C6orf58: variants seen among roughly 807,000 people sequenced by gnomAD.
C6orf58 encodes chromosome 6 open reading frame 58, also known as protein LEG1 homolog.
C6orf58 carries 30 observed loss-of-function variants against 37.0 expected under a neutral mutation model. The ratio of observed to expected loss-of-function variants is 0.81; its 90% CI spans 0.61 to 1.10. C6orf58 has a LOEUF of 1.10. Ranked by LOEUF, C6orf58 falls within the 50% of genes least tolerant of loss-of-function variation. The pLI is 0.00. For missense variants in C6orf58, 368 were observed against 387.5 expected, an observed-to-expected ratio of 0.95 and a Z score of 0.42; for synonymous variants, 143 against 134.1, an observed-to-expected ratio of 1.07 and a Z score of -0.46.
At chr6:127,587,904 T>A (rs1281278449) in intron 4 of C6orf58, among the ~76,000 whole-genome samples, 2 of 152,150 alleles carry the variant, frequency 1.3e-5, no homozygotes, top group Non-Finnish European at 2.9e-5. Context: ...TAAAGGCAAA[T>A]TGACAGGGTT....
chr6:127,581,143 G>T lies in C6orf58; in HGVS notation c.574-39G>T, dbSNP rs549570072. The T allele has an allele frequency of 3.2e-6, 3 of 944,320 alleles. No individual in the cohort carries two copies. The East Asian group carries it at 8.3e-5, about 26-fold the overall frequency. 58.5% of individuals were successfully genotyped at this position (944,320 alleles called of 1,614,324 possible). On this transcript the variant is annotated intron_variant, in intron 3 of 5. Coordinates refer to ENST00000329722, the MANE Select transcript of C6orf58 (RefSeq NM_001010905.3). ...AAATTTCAGGGAGAAGGATTTTATAGTTGCTCAAATATTAATAAATTTGAC... is the reference window on the plus strand; with the variant it reads ...AAATTTCAGGGAGAAGGATTTTATATTTGCTCAAATATTAATAAATTTGAC...
intron 1 of C6orf58, among the ~76,000 whole-genome samples, chr6:127,578,305 G>A (rs902216714): frequency 1.2e-4 from 18 of 152,084 alleles, no homozygotes; most frequent in African/African-American, 3.9e-4. Flanking sequence ...AGGCATTAGA[G>A]GTTATTTAGA....
chr6:127,578,706 C>T lies in C6orf58; in HGVS notation c.322C>T (p.Arg108Ter), dbSNP rs146572999. 9.3e-6 allele frequency: 15 copies of T among 1,612,216 alleles called. No homozygotes were observed. Among genetic ancestry groups the T allele is most frequent in the East Asian group, 4.5e-5 (2 of 44,852 alleles). ...TCCAGGCAGATTAGCTGATCCAACC[C>T]GAAGGACAAACTGTGGCTATGAATC... ...YRTGRLADPTRRTNCGYESGD... is the reference protein window; with the variant it reads ...YRTGRLADPT The change falls in exon 2 of 6, where the codon CGA (arginine) becomes TGA (stop). Residue 108 changes from arginine to a stop codon, truncating the protein, a stop_gained. Transcript: ENST00000329722. LOFTEE classifies it high-confidence loss of function.
At chr6:127,587,470 A>G (rs1775118856) in intron 4 of C6orf58, among the ~76,000 whole-genome samples, 1 of 152,140 alleles carries the variant, frequency 6.6e-6, no homozygotes, top group South Asian at 2.1e-4. Context: ...CAAAAGGTAA[A>G]TCTTTTAATA....
intron 4 of C6orf58, among the ~76,000 whole-genome samples, chr6:127,588,000 C>T (rs1371481642): frequency 6.6e-6 from 1 of 152,190 alleles, no homozygotes; most frequent in Non-Finnish European, 1.5e-5. Context: ...TCAACAATCA[C>T]TAAACCTCAG....
At chr6:127,579,145 A>G (rs60059762) in intron 2 of C6orf58, among the ~76,000 whole-genome samples, 27,620 of 152,010 alleles carry the variant, frequency 0.18, 4,023 homozygotes, top group African/African-American at 0.4. Context: ...TTTTGCTCAG[A>G]CCAGATGTGG....
intron 4 of C6orf58, among the ~76,000 whole-genome samples, chr6:127,588,372 A>C (rs1775126923): frequency 6.6e-6 from 1 of 152,246 alleles, no homozygotes. Context: ...AGCAGAAGAC[A>C]GAATTGTAGG....
Position 127,585,143 on chromosome 6 carries a change from G to C in C6orf58, c.674+3861G>C, listed in dbSNP as rs1172082133. Among the ~76,000 whole-genome samples, 9 of 152,148 alleles carry C rather than the reference G, an allele frequency of 5.9e-5. No homozygotes were observed. In the South Asian group the frequency reaches 1.0e-3, roughly 18 times the overall value. ...ATCCATACAAATACAACTTAAAGAA[G>C]GTTTAACATTACTTATTATTTGACA... On this transcript the variant is annotated intron_variant, in intron 4 of 5. Coordinates refer to ENST00000329722, the MANE Select transcript of C6orf58 (RefSeq NM_001010905.3).
intron 4 of C6orf58, among the ~76,000 whole-genome samples, chr6:127,586,997 C>T (rs1775113907): frequency 6.6e-6 from 1 of 152,154 alleles, no homozygotes; most frequent in African/African-American, 2.4e-5. Flanking sequence ...TCCTTTTACC[C>T]AGAAGGTATT....
intron 2 of C6orf58, 22 bp from the exon 3 acceptor site, chr6:127,580,242 TA>T (rs1775034319): frequency 5.7e-6 from 9 of 1,569,724 alleles, no homozygotes; most frequent in Middle Eastern, 1.7e-4. Flanking sequence ...CTTGTAGTAA[TA>T]GTAAATCTTT....
At chr6:127,580,928 C>T (rs924346581) in intron 3 of C6orf58, among the ~76,000 whole-genome samples, 3 of 151,842 alleles carry the variant, frequency 2.0e-5, no homozygotes, top group African/African-American at 2.4e-5. Context: ...AAGGCCTGAT[C>T]GGTATAAAAT....
intron 1 of C6orf58, 105 bp downstream of exon 1, chr6:127,577,591 T>G: frequency 1.1e-6 from 1 of 935,852 alleles, no homozygotes; most frequent in Non-Finnish European, 1.7e-6. Flanking sequence ...AAAAATTGAT[T>G]CTTTATCTTG....
At position 127,578,773 on chromosome 6, in the gene C6orf58, G is replaced by A. The variant is rs373910619; in HGVS notation, c.388+1G>A. ...ATCTCTGTGGACAGTTGGTGGGCTG[G>A]TATGTTCGTTTAAGTGGCAAAATAG... On this transcript the variant is annotated splice_donor_variant, in intron 2 of 5. Coordinates refer to ENST00000329722, the MANE Select transcript of C6orf58 (RefSeq NM_001010905.3). LOFTEE classifies it high-confidence loss of function. 1 of 1,609,172 alleles carries A rather than the reference G, an allele frequency of 6.2e-7. No individual in the cohort carries two copies. The highest frequency in any genetic ancestry group is 1.1e-5 in the South Asian group (1 of 90,676).
intron 3 of C6orf58, 129 bp downstream of exon 3, chr6:127,580,578 T>G (rs1189629616): frequency 1.6e-6 from 1 of 641,472 alleles, no homozygotes; most frequent in East Asian, 2.7e-5. Context: ...GCATGATATA[T>G]TAATAGTATA....
chr6:127,586,741 A>C (rs576778631), intron 4 of C6orf58, among the ~76,000 whole-genome samples: 54 of 152,334 alleles, frequency 3.5e-4, no homozygotes, highest in African/African-American at 1.3e-3. Flanking sequence ...GTATTATTGA[A>C]GTCAAGAGAG....
rs760369107 is a variant in C6orf58, at chr6:127,577,461, G to A, written c.276G>A (p.Leu92=). Residue 92 remains leucine, a synonymous_variant, in exon 1 of 6, where the codon CTG becomes CTA. Transcript: ENST00000329722. ...NEQNILWGLP[L]QYGWQYRTGR... The stretch of plus-strand genomic sequence containing the variant: ...AGAATATTTTATGGGGGTTGCCTCT[G>A]CAGTATGGCTGGCAATATAGGACAG... 1 of 1,613,646 alleles carries A rather than the reference G, an allele frequency of 6.2e-7. No homozygotes were observed. The highest frequency in any genetic ancestry group is 8.5e-7 in the Non-Finnish European group (1 of 1,179,636).
rs746800646 is a variant in C6orf58, at chr6:127,591,568, T to C, written c.939T>C (p.Asn313=). The C allele has an allele frequency of 6.6e-6, 10 of 1,523,184 alleles. No individual in the cohort carries two copies. The African/African-American group carries it at 1.1e-4, about 17-fold the overall frequency. The allele number at this position is 1,523,184 out of a possible 1,614,324, so 94.4% of individuals were successfully genotyped here. The change falls in exon 6 of 6, where the codon AAT becomes AAC. Residue 313 remains asparagine (N), a synonymous_variant. Transcript: ENST00000329722. ...SIGYLCTEKS[N]VYRDHSESSS... ...GTTATCTTTGTACAGAAAAATCTAA[T>C]GTATATAGAGATCATTCGGAATCTA...
At chr6:127,590,910 AT>A (rs1224992238) in intron 5 of C6orf58, among the ~76,000 whole-genome samples, 1 of 152,156 alleles carries the variant, frequency 6.6e-6, no homozygotes, top group Non-Finnish European at 1.5e-5. Context: ...GAACTGAAGC[AT>A]TGAGCCAAAT....
chr6:127,579,224 C>G (rs543851151), intron 2 of C6orf58, among the ~76,000 whole-genome samples: 2 of 152,236 alleles, frequency 1.3e-5, no homozygotes, highest in East Asian at 3.9e-4. Context: ...AATCAGTAAT[C>G]TCAGGCTTTA....
Sources: allele counts gnomAD v4.1 joint callset (sites outside exome capture counted in the v4.1 genomes callset), GRCh38; gene constraint gnomAD v4.1.1; transcripts MANE v1.5; gene names NCBI Gene and HGNC (gene_info 2026-07-23, HGNC 2026-07-21).